The following P2RY6 variants were observed in gnomAD, a reference collection of about 807,000 sequenced individuals.
P2RY6 encodes the protein P2Y purinoceptor 6.
P2RY6 carries 19 observed loss-of-function variants against 16.3 expected under a neutral mutation model. The observed-to-expected ratio is 1.16, with a 90% CI of 0.81 to 1.71. P2RY6 has a LOEUF of 1.71. Ranked by LOEUF, P2RY6 falls within the 40% of genes most tolerant of loss-of-function variation. The pLI is 0.00. For synonymous variants in P2RY6, 184 were observed against 201.5 expected (o/e 0.91, Z 0.74); for missense variants, 389 against 455.5 (o/e 0.85, Z 1.33).
intron 1 of P2RY6, among the ~76,000 whole-genome samples, chr11:73,286,397 G>T (rs1413402445): frequency 6.6e-6 from 1 of 152,080 alleles, no homozygotes; most frequent in Non-Finnish European, 1.5e-5. Context: ...GGGCCTCAGG[G>T]TCTGCCTGGG....
intron 1 of P2RY6, among the ~76,000 whole-genome samples, chr11:73,289,199 A>C (rs1339132700): frequency 6.6e-6 from 1 of 152,238 alleles, no homozygotes. Context: ...GTCCATACTG[A>C]GTCGCTCCTG....
At chr11:73,282,045 G>A (rs1364447668) in intron 1 of P2RY6, among the ~76,000 whole-genome samples, 1 of 152,162 alleles carries the variant, frequency 6.6e-6, no homozygotes. Flanking sequence ...TGCCTGCTCT[G>A]GACCTCAGCT....
chr11:73,275,501 C>T (rs898622470), intron 1 of P2RY6, among the ~76,000 whole-genome samples: 1 of 152,220 alleles, frequency 6.6e-6, no homozygotes, highest in Admixed American at 6.5e-5. Flanking sequence ...TTCCCTCAGG[C>T]AGCGGCTAAT....
At chr11:73,286,886 A>C (rs1362297620) in intron 1 of P2RY6, among the ~76,000 whole-genome samples, 13 of 152,110 alleles carry the variant, frequency 8.5e-5, no homozygotes. Context: ...TTTATAGTGC[A>C]CTTTGGGCAA....
intron 1 of P2RY6, among the ~76,000 whole-genome samples, chr11:73,282,482 A>T (rs1366664101): frequency 6.6e-6 from 1 of 152,120 alleles, no homozygotes; most frequent in African/African-American, 2.4e-5. Context: ...CTGCAAACAC[A>T]AACACTTGCA....
At chr11:73,273,092 GA>G (rs35651681) in intron 1 of P2RY6, among the ~76,000 whole-genome samples, 16,300 of 130,720 alleles carry the variant, frequency 0.12, 1,532 homozygotes, top group African/African-American at 0.28. Context: ...GAGTGGTTTG[GA>G]AAAAAAAAAA....
At chr11:73,288,735 A>G (rs1864069005) in intron 1 of P2RY6, among the ~76,000 whole-genome samples, 1 of 152,172 alleles carries the variant, frequency 6.6e-6, no homozygotes, top group Admixed American at 6.5e-5. Context: ...TATAGTAGGT[A>G]GGTACCATAA....
At chr11:73,266,590 G>A (rs1863111520) in intron 1 of P2RY6, among the ~76,000 whole-genome samples, 1 of 152,202 alleles carries the variant, frequency 6.6e-6, no homozygotes, top group Non-Finnish European at 1.5e-5. Context: ...TGTTTCTGGG[G>A]CTAAAACTTC....
chr11:73,275,374 G>A lies in P2RY6; in HGVS notation c.-121+2908G>A, dbSNP rs550739451. Among the ~76,000 whole-genome samples, 24 of 152,308 alleles carry A rather than the reference G, an allele frequency of 1.6e-4. No individual in the cohort carries two copies. The South Asian group carries it at 5.0e-3, about 32-fold the overall frequency. On this transcript the variant is annotated intron_variant, in intron 1 of 2. Coordinates refer to ENST00000540124, the MANE Select transcript of P2RY6 (RefSeq NM_001277204.2). The stretch of plus-strand genomic sequence containing the variant: ...TATCATGCCAGAGGGATGGGAACCA[G>A]CCTTTCAAATCAGCCCACAGTTCCT...
rs1481993156 is a variant in P2RY6, at chr11:73,284,456, G to C, written c.-120-11274G>C. 1.3e-5 allele frequency among the ~76,000 whole-genome samples: 2 copies of C among 152,124 alleles called. 1 individual carries two copies. The highest frequency in any genetic ancestry group is 6.3e-3 in the Middle Eastern group (2 of 316). On this transcript the variant is annotated intron_variant, in intron 1 of 2. Coordinates refer to ENST00000540124, the MANE Select transcript of P2RY6 (RefSeq NM_001277204.2). The stretch of plus-strand genomic sequence containing the variant: ...AGAGTACCAGAGAAAACCTCAGGCA[G>C]GGCAGGAGGGAGATGCAGGCTGCCT...
chr11:73,271,136 G>A (rs192441597), upstream of P2RY6, among the ~76,000 whole-genome samples: 1 of 152,288 alleles, frequency 6.6e-6, no homozygotes, highest in Non-Finnish European at 1.5e-5. Context: ...GGAGGAAGCA[G>A]GAGAGTCATC....
intron 1 of P2RY6, chr11:73,289,264 G>A (rs551351707): frequency 6.5e-6 from 1 of 152,678 alleles, no homozygotes. Context: ...AACTGGAAGA[G>A]GCTGTCTCTG....
chr11:73,264,532 C>T (rs1486220213), exon 1 of P2RY6: 1 of 152,360 alleles, frequency 6.6e-6, no homozygotes, highest in Non-Finnish European at 1.5e-5. Context: ...GTTCCAGGGA[C>T]GCTGGGGCCG....
chr11:73,296,414 C>A, intron 2 of P2RY6, 71 bp from the exon 3 acceptor site: 2 of 1,389,374 alleles, frequency 1.4e-6, no homozygotes, highest in Non-Finnish European at 1.0e-6. Flanking sequence ...GAGATCAAGG[C>A]CCGAGGAGGG....
chr11:73,267,116 A>T (rs1591656599), intron 1 of P2RY6, among the ~76,000 whole-genome samples: 1 of 152,092 alleles, frequency 6.6e-6, no homozygotes, highest in East Asian at 1.9e-4. Flanking sequence ...AACTTTCTAC[A>T]CTCCAAAGCT....
At chr11:73,288,289 T>A (rs887100829) in intron 1 of P2RY6, among the ~76,000 whole-genome samples, 1 of 152,176 alleles carries the variant, frequency 6.6e-6, no homozygotes, top group African/African-American at 2.4e-5. Flanking sequence ...AGTTCCATCT[T>A]TGCTAAGCTT....
chr11:73,289,065 C>T (rs1211036676), intron 1 of P2RY6, among the ~76,000 whole-genome samples: 2 of 152,240 alleles, frequency 1.3e-5, no homozygotes, highest in African/African-American at 4.8e-5. Flanking sequence ...AACAGGTCCC[C>T]TCATCCATGC....
chr11:73,277,312 C>G (rs1863578656), intron 1 of P2RY6, among the ~76,000 whole-genome samples: 1 of 113,410 alleles, frequency 8.8e-6, no homozygotes, highest in Non-Finnish European at 1.8e-5. Context: ...CAGAGTTTCA[C>G]CATGTTGGCC....
At chr11:73,265,344 C>T (rs1019879274) in intron 1 of P2RY6, 4 of 152,006 alleles carry the variant, frequency 2.6e-5, no homozygotes, top group Non-Finnish European at 5.9e-5. Context: ...GAAGCTGCTC[C>T]GAAATCTCAT....
Sources: gnomAD v4.1 joint callset for allele counts (sites outside exome capture counted in the v4.1 genomes callset) on GRCh38, gnomAD v4.1.1 for gene constraint, MANE v1.5 for transcripts, NCBI Gene and HGNC (gene_info 2026-07-23, HGNC 2026-07-21) for gene names.